The following EIF3H variants were observed in gnomAD, a reference collection of about 807,000 sequenced individuals.
EIF3H encodes eukaryotic translation initiation factor 3 subunit H.
EIF3H carries 26 observed loss-of-function variants against 44.2 expected under a neutral mutation model. The ratio of observed to expected loss-of-function variants is 0.59; its 90% confidence interval spans 0.43 to 0.82. EIF3H has a LOEUF of 0.82. Ranked by LOEUF, EIF3H falls within the 40% of genes least tolerant of loss-of-function variation. EIF3H has a pLI of 0.00. For missense variants in EIF3H, 359 were observed against 432.8 expected (o/e 0.83, Z 1.51); for synonymous variants, 166 against 151.9 (o/e 1.09, Z -0.68).
intron 2 of EIF3H, among the ~76,000 whole-genome samples, chr8:116,700,599 A>G (rs1286103594): frequency 6.6e-6 from 1 of 152,184 alleles, no homozygotes; most frequent in Non-Finnish European, 1.5e-5. Flanking sequence ...AAAAAAGACA[A>G]AGATCAAATG....
At chr8:116,735,708 T>C (rs747952765) in intron 1 of EIF3H, among the ~76,000 whole-genome samples, 3 of 151,836 alleles carry the variant, frequency 2.0e-5, no homozygotes, top group Admixed American at 6.6e-5. Context: ...TGGCCCCATG[T>C]GGATCATCGT....
chr8:116,685,876 C>T (rs67991519), intron 2 of EIF3H, among the ~76,000 whole-genome samples: 1 of 152,034 alleles, frequency 6.6e-6, no homozygotes, highest in South Asian at 2.1e-4. Flanking sequence ...AAGATCTGCA[C>T]AGCAGGAGAA....
At chr8:116,713,740 T>C (rs535389335) in intron 2 of EIF3H, among the ~76,000 whole-genome samples, 147 of 152,186 alleles carry the variant, frequency 9.7e-4, no homozygotes, top group Non-Finnish European at 1.4e-3. Flanking sequence ...TCCAAAAAAA[T>C]GTAAGTGAGC....
intron 2 of EIF3H, among the ~76,000 whole-genome samples, chr8:116,676,860 T>C (rs1813857463): frequency 6.6e-6 from 1 of 152,190 alleles, no homozygotes; most frequent in Non-Finnish European, 1.5e-5. Context: ...ATTGTCTTGT[T>C]TTGTCTACAT....
intron 2 of EIF3H, among the ~76,000 whole-genome samples, chr8:116,710,077 T>A (rs1263171051): frequency 6.6e-6 from 1 of 152,194 alleles, no homozygotes; most frequent in African/African-American, 2.4e-5. Context: ...CTTTCCATGC[T>A]CTTTTCTCAT....
At chr8:116,709,990 G>C (rs1413277470) in intron 2 of EIF3H, among the ~76,000 whole-genome samples, 1 of 152,096 alleles carries the variant, frequency 6.6e-6, no homozygotes, top group African/African-American at 2.4e-5. Flanking sequence ...GGTTACAAAG[G>C]AGTCACTAAC....
chr8:116,669,398 C>T (rs999677215), intron 2 of EIF3H, among the ~76,000 whole-genome samples: 2 of 152,102 alleles, frequency 1.3e-5, no homozygotes, highest in African/African-American at 4.8e-5. Context: ...CTATCCCCAA[C>T]AGGTGACTTT....
intron 2 of EIF3H, among the ~76,000 whole-genome samples, chr8:116,660,762 GAGA>G (rs1270238856): frequency 1.3e-5 from 2 of 152,146 alleles, no homozygotes; most frequent in African/African-American, 4.8e-5. Flanking sequence ...GGGTATGGGG[GAGA>G]AGGTGATACC....
At chr8:116,669,903 T>G (rs1563637766) in intron 2 of EIF3H, among the ~76,000 whole-genome samples, 1 of 152,132 alleles carries the variant, frequency 6.6e-6, no homozygotes, top group South Asian at 2.1e-4. Flanking sequence ...CCTCTTTCCC[T>G]ACACACTCTG....
intron 2 of EIF3H, among the ~76,000 whole-genome samples, chr8:116,665,140 C>A (rs1173626993): frequency 6.6e-6 from 1 of 152,178 alleles, no homozygotes; most frequent in Admixed American, 6.5e-5. Flanking sequence ...GTGAAGTATA[C>A]AGTAAATTAT....
chr8:116,663,910 G>A, intron 2 of EIF3H, among the ~76,000 whole-genome samples: 1 of 132,276 alleles, frequency 7.6e-6, no homozygotes. Flanking sequence ...CAGCCTGGGA[G>A]ACAGAGCGAG....
At chr8:116,755,612 G>A (rs964727889) in intron 1 of EIF3H, 54 bp downstream of exon 1, 46 of 1,606,736 alleles carry the variant, frequency 2.9e-5, no homozygotes, top group East Asian at 1.6e-4. Context: ...CTGGTGGGAC[G>A]GGGCTGGGAA....
At chr8:116,671,139 T>C (rs1813746644) in intron 2 of EIF3H, among the ~76,000 whole-genome samples, 2 of 152,228 alleles carry the variant, frequency 1.3e-5, no homozygotes, top group South Asian at 2.1e-4. Context: ...TATAAATAAA[T>C]AAACATCTAG....
At chr8:116,648,743 A>G in intron 6 of EIF3H, 63 bp downstream of exon 6, 2 of 1,495,272 alleles carry the variant, frequency 1.3e-6, no homozygotes, top group Admixed American at 2.2e-5. Context: ...CATTTTGAAC[A>G]TGACTCTTGA....
upstream of EIF3H, among the ~76,000 whole-genome samples, chr8:116,757,072 G>A (rs1815460757): frequency 6.6e-6 from 1 of 152,158 alleles, no homozygotes. Flanking sequence ...TTTTGTTTCA[G>A]AATTACAATA....
chr8:116,744,516 T>G (rs1236988444), intron 1 of EIF3H, among the ~76,000 whole-genome samples: 1 of 152,200 alleles, frequency 6.6e-6, no homozygotes, highest in African/African-American at 2.4e-5. Context: ...CTTCAGCCCT[T>G]TCAGTTTTGA....
At chr8:116,709,986 A>G (rs1405488343) in intron 2 of EIF3H, among the ~76,000 whole-genome samples, 1 of 152,202 alleles carries the variant, frequency 6.6e-6, no homozygotes, top group Non-Finnish European at 1.5e-5. Flanking sequence ...GACTGGTTAC[A>G]AAGGAGTCAC....
intron 2 of EIF3H, among the ~76,000 whole-genome samples, chr8:116,669,801 G>C (rs967343719): frequency 6.6e-6 from 1 of 152,166 alleles, no homozygotes; most frequent in Non-Finnish European, 1.5e-5. Flanking sequence ...GTTAGGAAGA[G>C]CAAACAATTT....
At chr8:116,662,908 G>C (rs1405933039) in intron 2 of EIF3H, among the ~76,000 whole-genome samples, 1 of 152,174 alleles carries the variant, frequency 6.6e-6, no homozygotes, top group East Asian at 1.9e-4. Flanking sequence ...TCTCCTGGAT[G>C]AACACCCTTG....
Sources: gnomAD v4.1 joint callset for allele counts (sites outside exome capture counted in the v4.1 genomes callset) on GRCh38, gnomAD v4.1.1 for gene constraint, MANE v1.5 for transcripts, NCBI Gene and HGNC (gene_info 2026-07-23, HGNC 2026-07-21) for gene names.